SLFN11: variants seen among roughly 807,000 people sequenced by gnomAD.
SLFN11 encodes schlafen family member 11.
A neutral mutation model predicts 53.4 loss-of-function variants in SLFN11; 43 were observed. The observed-to-expected ratio is 0.80, with a 90% confidence interval of 0.63 to 1.04. The LOEUF (loss-of-function observed/expected upper bound fraction) is 1.04, where lower values mean the gene tolerates loss of function less well. Ranked by LOEUF, SLFN11 falls within the 50% of genes least tolerant of loss-of-function variation. The pLI is 0.00. For missense variants in SLFN11, 990 were observed against 1,079.1 expected (o/e 0.92, Z 1.16); for synonymous variants, 389 against 394.7 (o/e 0.99, Z 0.17).
intron 3 of SLFN11, among the ~76,000 whole-genome samples, chr17:35,364,570 G>A (rs1908710238): frequency 6.6e-6 from 1 of 152,102 alleles, no homozygotes; most frequent in South Asian, 2.1e-4. Flanking sequence ...TGGGCACCAG[G>A]AGGCAATAAA....
chr17:35,353,521 G>A lies in SLFN11; in HGVS notation c.1737C>T (p.Ala579=). ...LGCEVLNLLT[A]QQYEIFSRSL... Reference sequence around the variant, plus strand: ...TTCTGGAGAATATCTCATACTGCTGGGCTGTGAGCAGATTTAAAACCTCAC... The same window carrying A: ...TTCTGGAGAATATCTCATACTGCTGAGCTGTGAGCAGATTTAAAACCTCAC... Residue 579 remains alanine, a synonymous_variant, in exon 6 of 7, where the codon GCC becomes GCT. Transcript: ENST00000685675. 1 of 1,462,810 alleles carries A rather than the reference G, an allele frequency of 6.8e-7. No homozygotes were observed. The highest frequency in any genetic ancestry group is 1.3e-5 in the South Asian group (1 of 77,384). The allele number at this position is 1,462,810 out of a possible 1,614,324, so 90.6% of individuals were successfully genotyped here.
intron 5 of SLFN11, chr17:35,360,009 A>T: frequency 2.4e-6 from 1 of 417,794 alleles, no homozygotes; most frequent in Non-Finnish European, 4.2e-6. Flanking sequence ...AAGAACAAAT[A>T]GTCTTTAAGG....
chr17:35,368,569 A>T (rs541241549), intron 1 of SLFN11, among the ~76,000 whole-genome samples: 1 of 152,068 alleles, frequency 6.6e-6, no homozygotes, highest in Non-Finnish European at 1.5e-5. Flanking sequence ...TCTAGGCCAC[A>T]AGGACTGAAA....
rs143551166 is a variant in SLFN11, at chr17:35,366,560, T to C, written c.-20+387A>G. On this transcript the variant is annotated intron_variant, in intron 3 of 6. Transcript: ENST00000685675. ...TAAAACAATCAGTAAATTCATAAAC[T>C]ATTTTGAAGTCATCAAGGATATATA... 3.0e-4 allele frequency among the ~76,000 whole-genome samples: 45 copies of C among 152,232 alleles called. No individual in the cohort carries two copies. In the East Asian group the frequency reaches 8.7e-3, roughly 29 times the overall value.
chr17:35,352,391 G>A lies in SLFN11; in HGVS notation c.2671C>T (p.Gln891Ter), dbSNP rs1278435784. ...CCCCACGGAAAAATATACAGGTGTT[G>A]TTTTGCCCTGGAAGCCAGACAGATC... is the stretch of plus-strand genomic sequence containing the variant. ...VLICLASRAKQHLYIFPWGGH is the reference protein window; with the variant it reads ...VLICLASRAK Residue 891 changes from glutamine to a stop codon, truncating the protein, a stop_gained, in exon 7 of 7, where the codon CAA becomes TAA. Coordinates refer to ENST00000685675, the MANE Select transcript of SLFN11 (RefSeq NM_001376007.1). LOFTEE classifies it low-confidence loss of function (END_TRUNC). 3.1e-6 allele frequency: 5 copies of A among 1,613,464 alleles called. No homozygotes were observed. Among genetic ancestry groups the A allele is most frequent in the Non-Finnish European group, 4.2e-6 (5 of 1,180,036 alleles).
At chr17:35,361,037 T>C (rs1411383882) in intron 4 of SLFN11, among the ~76,000 whole-genome samples, 2 of 152,142 alleles carry the variant, frequency 1.3e-5, no homozygotes, top group Non-Finnish European at 2.9e-5. Context: ...AACTTTTTCA[T>C]GTGCTTTGGA....
At chr17:35,366,017 T>G (rs896907737) in intron 3 of SLFN11, among the ~76,000 whole-genome samples, 2 of 151,984 alleles carry the variant, frequency 1.3e-5, no homozygotes, top group Non-Finnish European at 2.9e-5. Flanking sequence ...ATCTCAGAGG[T>G]GGGTGGGACA....
At chr17:35,367,486 T>C (rs1909098234) in intron 2 of SLFN11, 117 bp downstream of exon 2, 1 of 152,076 alleles carries the variant, frequency 6.6e-6, no homozygotes, top group Non-Finnish European at 1.5e-5. Context: ...CTAAATAAAA[T>C]TAAACTAAGT....
chr17:35,355,349 A>C (rs1907325809), intron 5 of SLFN11, among the ~76,000 whole-genome samples: 1 of 152,064 alleles, frequency 6.6e-6, no homozygotes, highest in Non-Finnish European at 1.5e-5. Context: ...GCAGTGAGCT[A>C]TGACTGCACC....
chr17:35,363,843 AGTG>A lies in SLFN11; in HGVS notation c.-19-20_-19-18del. 2 of 1,511,704 alleles carry A rather than the reference AGTG, an allele frequency of 1.3e-6. No homozygotes were observed. The highest frequency in any genetic ancestry group is 1.8e-6 in the Non-Finnish European group (2 of 1,127,162). 93.6% of individuals were successfully genotyped at this position (1,511,704 alleles called of 1,614,324 possible). On this transcript the variant is annotated intron_variant, in intron 3 of 6. Coordinates refer to ENST00000685675, the MANE Select transcript of SLFN11 (RefSeq NM_001376007.1). Reference sequence around the variant, plus strand: ...CAGCTGAAACTATTAGAAGAAATGAAGTGTTACATGCATGCAATTCATTTATTA... The same window carrying A: ...CAGCTGAAACTATTAGAAGAAATGAATTACATGCATGCAATTCATTTATTA...
Position 35,352,968 on chromosome 17 carries a change from G to C in SLFN11, c.2094C>G (p.Leu698=). The C allele has an allele frequency of 6.2e-7, 1 of 1,614,176 alleles. No homozygotes were observed. The highest frequency in any genetic ancestry group is 1.3e-5 in the African/African-American group (1 of 75,052). ...TRRAKGGPGI[L]WIFLDYFQTS... is the part of the protein sequence containing the mutation. ...TCTGAAAGTAATCCAGAAAGATCCA[G>C]AGAATTCCTGGGCCACCCTTTGCTC... The change falls in exon 7 of 7, where the codon CTC becomes CTG. Residue 698 remains leucine, a synonymous_variant. Coordinates refer to ENST00000685675, the MANE Select transcript of SLFN11 (RefSeq NM_001376007.1).
intron 1 of SLFN11, among the ~76,000 whole-genome samples, chr17:35,368,073 T>A (rs1909188446): frequency 6.6e-6 from 1 of 152,130 alleles, no homozygotes; most frequent in African/African-American, 2.4e-5. Context: ...TGGGAAAACT[T>A]TGCAATGTCA....
chr17:35,367,195 G>A (rs1338164415), intron 2 of SLFN11, 132 bp from the exon 3 acceptor site: 1 of 151,726 alleles, frequency 6.6e-6, no homozygotes, highest in Admixed American at 6.6e-5. Context: ...AAACATCTTT[G>A]TCAAGTTATT....
chr17:35,361,441 GA>G (rs1405410668), intron 4 of SLFN11, among the ~76,000 whole-genome samples: 3 of 151,972 alleles, frequency 2.0e-5, no homozygotes, highest in Admixed American at 2.0e-4. Context: ...CTACCCCCGT[GA>G]CCCTCATCAC....
chr17:35,362,440 T>C (rs1908344284), intron 4 of SLFN11, among the ~76,000 whole-genome samples: 1 of 152,166 alleles, frequency 6.6e-6, no homozygotes, highest in Non-Finnish European at 1.5e-5. Context: ...GAAAATTTAA[T>C]AATTGATTCT....
At position 35,360,248 on chromosome 17, in the gene SLFN11, A is replaced by C. The variant is rs1184539189; in HGVS notation, c.1193T>G (p.Phe398Cys). ...AGAAGACAAACCATAATTACCTGAA[A>C]ATAAAAGTTGCTGGAGTTCCTTTTT... Reference protein sequence around the residue: ...EHKKELQQLLFSVPPGYLRYT... With the variant: ...EHKKELQQLLCSVPPGYLRYT... Residue 398 changes from phenylalanine (F) to cysteine (C), a missense_variant, in exon 5 of 7, where the codon TTT becomes TGT. By Grantham distance (205) the Phe-to-Cys change is radical. Coordinates refer to ENST00000685675, the MANE Select transcript of SLFN11 (RefSeq NM_001376007.1). 1 of 1,610,344 alleles carries C rather than the reference A, an allele frequency of 6.2e-7. No individual in the cohort carries two copies. Among genetic ancestry groups the C allele is most frequent in the South Asian group, 1.1e-5 (1 of 90,122 alleles).
At chr17:35,370,754 T>G (rs1909544958) in intron 1 of SLFN11, among the ~76,000 whole-genome samples, 1 of 151,886 alleles carries the variant, frequency 6.6e-6, no homozygotes, top group Non-Finnish European at 1.5e-5. Context: ...ACCTAGGAAT[T>G]AACCAAATAA....
chr17:35,371,683 C>T (rs2141998126), intron 1 of SLFN11, among the ~76,000 whole-genome samples: 1 of 152,116 alleles, frequency 6.6e-6, no homozygotes, highest in East Asian at 1.9e-4. Flanking sequence ...AGTCATTTCT[C>T]AAAAGAAGAC....
In SLFN11 at chr17:35,363,337, C is replaced by A. The variant is rs1402643511; in HGVS notation, c.471G>T (p.Lys157Asn). 1 of 1,613,982 alleles carries A rather than the reference C, an allele frequency of 6.2e-7. No individual in the cohort carries two copies. Among genetic ancestry groups the A allele is most frequent in the South Asian group, 1.1e-5 (1 of 91,080 alleles). The change falls in exon 4 of 7, where the codon AAG becomes AAT. Residue 157 changes from lysine to asparagine, a missense_variant. Transcript: ENST00000685675. Reference sequence around the variant, plus strand: ...AAGGTCCTTCTTCCAAGATTTTTGGCTTCCTTTTGGTCTTCAGGAAACAGA... The same window carrying A: ...AAGGTCCTTCTTCCAAGATTTTTGGATTCCTTTTGGTCTTCAGGAAACAGA... Reference protein sequence around the residue: ...EAFCFLKTKRKPKILEEGPFH... With the variant: ...EAFCFLKTKRNPKILEEGPFH...
Sources: gnomAD v4.1 joint callset for allele counts (sites outside exome capture counted in the v4.1 genomes callset) on GRCh38, gnomAD v4.1.1 for gene constraint, MANE v1.5 for transcripts, NCBI Gene and HGNC (gene_info 2026-07-23, HGNC 2026-07-21) for gene names.